Variants in FAAH2 observed in about 807,000 individuals in gnomAD.
FAAH2 encodes fatty-acid amide hydrolase 2.
In FAAH2, 60 loss-of-function variants were observed where a neutral mutation model predicts 36.9. The observed-to-expected ratio is 1.63, with a 90% CI of 1.32 to 2.02. The LOEUF (loss-of-function observed/expected upper bound fraction) is 2.02. FAAH2 is among the 30% of genes most tolerant of loss of function. The probability of loss-of-function intolerance (pLI) is 0.00; values close to 1 mark genes in which losing one functional copy is unlikely to be tolerated. For synonymous variants in FAAH2, 214 were observed against 143.8 expected (o/e 1.49, Z -3.49); for missense variants, 689 against 397.5 (o/e 1.73, Z -6.23).
At chrX:57,299,032 G>A (rs1415738592) in intron 2 of FAAH2, among the ~76,000 whole-genome samples, 1 of 111,422 alleles carries the variant, frequency 9.0e-6, no homozygotes, top group Non-Finnish European at 1.9e-5. Context: ...GGTACAAGGA[G>A]GAGCTGGTAC....
chrX:57,197,977 G>A, the FAAH2 span, among the ~76,000 whole-genome samples: 1 of 112,090 alleles, frequency 8.9e-6, no homozygotes, highest in East Asian at 2.8e-4. Context: ...TCTTCTATTA[G>A]TTGGTGTAAT....
intron 10 of FAAH2, among the ~76,000 whole-genome samples, chrX:57,475,458 C>T (rs1003412993): frequency 8.9e-6 from 1 of 111,778 alleles, no homozygotes; most frequent in African/African-American, 3.3e-5. Context: ...TGCGTCTTTC[C>T]CCATTGCTTG....
intron 2 of FAAH2, among the ~76,000 whole-genome samples, chrX:57,294,881 C>T (rs1342888251): frequency 9.0e-6 from 1 of 110,654 alleles, no homozygotes; most frequent in Non-Finnish European, 1.9e-5. Context: ...ACTATTTTAA[C>T]AAAGAATTTA....
chrX:57,194,202 A>C, the FAAH2 span, among the ~76,000 whole-genome samples: 3 of 111,134 alleles, frequency 2.7e-5, no homozygotes, highest in Admixed American at 2.9e-4. Context: ...TGATCTCATT[A>C]CTTCTTATTT....
At chrX:57,440,930 TGTTGCATCCGAGG>T (rs1291589998) in intron 8 of FAAH2, among the ~76,000 whole-genome samples, 6 of 111,555 alleles carry the variant, frequency 5.4e-5, no homozygotes, top group Non-Finnish European at 1.1e-4. Flanking sequence ...GTTGAAGCAG[TGTTGCATCCGAGG>T]GATGAAGCCC....
At chrX:57,323,398 G>A (rs1458232132) in intron 3 of FAAH2, among the ~76,000 whole-genome samples, 1 of 111,589 alleles carries the variant, frequency 9.0e-6, no homozygotes, top group Non-Finnish European at 1.9e-5. Context: ...AGATCCCTGA[G>A]GAATCACCAC....
the FAAH2 span, among the ~76,000 whole-genome samples, chrX:57,230,180 C>T: frequency 8.9e-6 from 1 of 112,065 alleles, no homozygotes; most frequent in Non-Finnish European, 1.9e-5. Flanking sequence ...AACTTCTTTT[C>T]CACCCAAACT....
the FAAH2 span, among the ~76,000 whole-genome samples, chrX:57,212,091 G>A: frequency 1.2e-4 from 13 of 111,337 alleles, no homozygotes; most frequent in Admixed American, 1.9e-4. Flanking sequence ...AATTAGCCAG[G>A]CCTGTAGGTG....
At chrX:57,288,908 A>G (rs1311675866) in intron 1 of FAAH2, among the ~76,000 whole-genome samples, 1 of 111,412 alleles carries the variant, frequency 9.0e-6, no homozygotes, top group Non-Finnish European at 1.9e-5. Flanking sequence ...GTTTATCTAG[A>G]TTTATAAAAA....
intron 7 of FAAH2, among the ~76,000 whole-genome samples, chrX:57,414,189 G>T (rs1183094104): frequency 8.9e-6 from 1 of 111,732 alleles, no homozygotes; most frequent in Non-Finnish European, 1.9e-5. Context: ...CTTCCTATTT[G>T]AATACCTTGT....
the FAAH2 span, among the ~76,000 whole-genome samples, chrX:57,189,634 A>C: frequency 1.8e-5 from 2 of 111,545 alleles, no homozygotes; most frequent in South Asian, 7.6e-4. Context: ...TTCTTCTAAC[A>C]ATCAGGCCCG....
chrX:57,242,939 G>A, the FAAH2 span, among the ~76,000 whole-genome samples: 4 of 111,989 alleles, frequency 3.6e-5, no homozygotes, highest in African/African-American at 9.7e-5. Context: ...GGGGGCTGAA[G>A]CCAGAGAGAC....
the FAAH2 span, among the ~76,000 whole-genome samples, chrX:57,168,842 A>G: frequency 8.9e-6 from 1 of 112,304 alleles, no homozygotes; most frequent in Middle Eastern, 4.6e-3. Flanking sequence ...CTAAAGTGTA[A>G]TCTTTCTACT....
chrX:57,246,510 AG>A, the FAAH2 span, among the ~76,000 whole-genome samples: 1 of 111,683 alleles, frequency 9.0e-6, no homozygotes, highest in Non-Finnish European at 1.9e-5. Flanking sequence ...CACATCAAAA[AG>A]CTTATCGACC....
In FAAH2 at chrX:57,372,208, T is replaced by C. The variant is rs765252067; in HGVS notation, c.743-6443T>C. Reference sequence around the variant, plus strand: ...GAATAGTAGTTCTATTTTTTAGTTATTTGAGTAATCACCAAACTGCCTTCC... The same window carrying C: ...GAATAGTAGTTCTATTTTTTAGTTACTTGAGTAATCACCAAACTGCCTTCC... On this transcript the variant is annotated intron_variant, in intron 5 of 10. Transcript: ENST00000374900. Among the ~76,000 whole-genome samples, 4 of 111,748 alleles carry C rather than the reference T, an allele frequency of 3.6e-5. No individual in the cohort carries two copies. In the East Asian group the frequency reaches 1.1e-3, roughly 31 times the overall value.
chrX:57,287,233 C>G (rs747786125), intron 1 of FAAH2, among the ~76,000 whole-genome samples: 2 of 111,208 alleles, frequency 1.8e-5, no homozygotes, highest in East Asian at 5.7e-4. Context: ...ATTTTGGTAC[C>G]GTCATAGTCC....
chrX:57,366,444 T>C (rs778246290), intron 5 of FAAH2, among the ~76,000 whole-genome samples: 2 of 112,245 alleles, frequency 1.8e-5, no homozygotes, highest in Admixed American at 9.4e-5. Flanking sequence ...TCCCAGCCCA[T>C]TGGTGACAAC....
chrX:57,208,831 T>C, the FAAH2 span, among the ~76,000 whole-genome samples: 1 of 112,189 alleles, frequency 8.9e-6, no homozygotes, highest in Non-Finnish European at 1.9e-5. Flanking sequence ...AACACGTTCT[T>C]AGGGCACAGA....
intron 7 of FAAH2, 131 bp from the exon 8 acceptor site, chrX:57,431,787 G>GTTT (rs58140227): frequency 2.3e-5 from 3 of 129,294 alleles, no homozygotes; most frequent in East Asian, 2.5e-4. Context: ...TTGTTTTTTT[G>GTTT]TTTTTTTTGG....
Sources: gnomAD v4.1 joint callset for allele counts (sites outside exome capture counted in the v4.1 genomes callset) on GRCh38, gnomAD v4.1.1 for gene constraint, MANE v1.5 for transcripts, NCBI Gene and HGNC (gene_info 2026-07-23, HGNC 2026-07-21) for gene names.